Variants in CCDC73 observed in about 807,000 individuals in gnomAD.
The protein encoded by CCDC73 is coiled-coil domain containing 73, also known as coiled-coil domain-containing protein 73.
In CCDC73, 95 loss-of-function variants were observed where a neutral mutation model predicts 116.5. The observed-to-expected ratio is 0.82, with a 90% CI of 0.69 to 0.97. The LOEUF (loss-of-function observed/expected upper bound fraction) is 0.97, where lower values mean the gene tolerates loss of function less well. Ranked by LOEUF, CCDC73 falls within the 50% of genes least tolerant of loss-of-function variation. CCDC73 has a pLI of 0.00. For synonymous variants in CCDC73, 398 were observed against 401.3 expected (o/e 0.99, Z 0.10); for missense variants, 1,066 against 1,206.8 (o/e 0.88, Z 1.73).
chr11:32,818,742 C>T, the CCDC73 span, among the ~76,000 whole-genome samples: 1 of 152,184 alleles, frequency 6.6e-6, no homozygotes, highest in Admixed American at 6.5e-5. Context: ...GGAGGGAGTA[C>T]TGATACATGC....
At chr11:32,818,244 T>G in the CCDC73 span, among the ~76,000 whole-genome samples, 3 of 152,240 alleles carry the variant, frequency 2.0e-5, no homozygotes, top group Non-Finnish European at 4.4e-5. Context: ...GGGCCGTAAG[T>G]GTATTAAGGC....
At chr11:32,780,770 T>C (rs1280381787) in intron 1 of CCDC73, among the ~76,000 whole-genome samples, 2 of 152,226 alleles carry the variant, frequency 1.3e-5, no homozygotes, top group Admixed American at 6.5e-5. Flanking sequence ...TATGAGATGT[T>C]TACTGTTACC....
upstream of CCDC73, among the ~76,000 whole-genome samples, chr11:32,798,848 CTT>C (rs910030540): frequency 6.7e-6 from 1 of 150,298 alleles, no homozygotes; most frequent in Admixed American, 6.7e-5. Flanking sequence ...AAATTAAACA[CTT>C]TTTTTTCACT....
intron 14 of CCDC73, among the ~76,000 whole-genome samples, chr11:32,623,191 G>A (rs1325206062): frequency 1.3e-5 from 2 of 151,552 alleles, no homozygotes; most frequent in Admixed American, 1.3e-4. Context: ...ATTTTTAGTA[G>A]AGACAGGGTT....
At chr11:32,743,836 A>C (rs1485825940) in intron 2 of CCDC73, among the ~76,000 whole-genome samples, 1 of 152,194 alleles carries the variant, frequency 6.6e-6, no homozygotes, top group Admixed American at 6.5e-5. Flanking sequence ...CTAAATATAC[A>C]ATCATGTCAT....
chr11:32,671,730 T>A (rs1856041017), intron 9 of CCDC73, among the ~76,000 whole-genome samples: 1 of 152,214 alleles, frequency 6.6e-6, no homozygotes, highest in African/African-American at 2.4e-5. Flanking sequence ...AACTTTGAAG[T>A]CGCAAAGGTA....
chr11:32,774,180 G>T (rs897324033), intron 1 of CCDC73, among the ~76,000 whole-genome samples: 1 of 152,128 alleles, frequency 6.6e-6, no homozygotes, highest in Non-Finnish European at 1.5e-5. Flanking sequence ...CTCATCTTCT[G>T]CAGGGAAGGA....
At chr11:32,642,299 T>C (rs1217891274) in intron 12 of CCDC73, among the ~76,000 whole-genome samples, 1 of 151,958 alleles carries the variant, frequency 6.6e-6, no homozygotes, top group South Asian at 2.1e-4. Flanking sequence ...GAAATGGCTA[T>C]AAAAGAGTAT....
At chr11:32,634,390 TA>T (rs550800016) in intron 14 of CCDC73, among the ~76,000 whole-genome samples, 1 of 151,690 alleles carries the variant, frequency 6.6e-6, no homozygotes, top group Admixed American at 6.6e-5. Context: ...ATGAAAAGAA[TA>T]AAAAAAACCC....
At chr11:32,617,614 G>A (rs1415628010) in intron 14 of CCDC73, among the ~76,000 whole-genome samples, 3 of 152,142 alleles carry the variant, frequency 2.0e-5, no homozygotes, top group Non-Finnish European at 4.4e-5. Flanking sequence ...CATTGGTGAT[G>A]TATGGAACTA....
At chr11:32,631,677 G>T (rs990932531) in intron 14 of CCDC73, among the ~76,000 whole-genome samples, 2 of 151,896 alleles carry the variant, frequency 1.3e-5, no homozygotes, top group South Asian at 2.1e-4. Flanking sequence ...AGGAAAGGAA[G>T]AAAAGGAAGA....
chr11:32,663,692 C>T (rs1855952225), intron 9 of CCDC73, among the ~76,000 whole-genome samples: 1 of 152,084 alleles, frequency 6.6e-6, no homozygotes. Context: ...GCCTGATTGC[C>T]CTGGTCAGAA....
chr11:32,644,198 G>A (rs1211853103), intron 12 of CCDC73, among the ~76,000 whole-genome samples: 1 of 152,128 alleles, frequency 6.6e-6, no homozygotes, highest in Non-Finnish European at 1.5e-5. Context: ...CATGGATGGA[G>A]CTGGAGGCCA....
In CCDC73 at chr11:32,654,895, A is replaced by G. The variant is rs1380551019; in HGVS notation, c.723T>C (p.Asn241=). 1 of 1,602,378 alleles carries G rather than the reference A, an allele frequency of 6.2e-7. No homozygotes were observed. Among genetic ancestry groups the G allele is most frequent in the Admixed American group, 1.7e-5 (1 of 57,602 alleles). The part of the protein sequence containing the change: ...CQYKMGEENI[N]LTIKEQKFQE... ...GAAATTTTTGTTCTTTAATTGTTAG[A>G]TTGATGTTTTCTTCTCCCATCTTAT... The change falls in exon 10 of 18, where the codon AAT becomes AAC. Residue 241 remains asparagine, a synonymous_variant. Coordinates refer to ENST00000335185, the MANE Select transcript of CCDC73 (RefSeq NM_001008391.4).
rs186341074 is a variant in CCDC73 at position 32,687,555 on chromosome 11, C to T, written c.391-3981G>A. Among the ~76,000 whole-genome samples the T allele has an allele frequency of 5.9e-4, 90 of 151,906 alleles. 1 individual carries two copies. The East Asian group carries it at 0.014, about 23-fold the overall frequency. ...ATAAAGGAAATAAACTAAAATAATCCTTGTAGTTTGGGATTGTAATTTGCA... is the reference window on the plus strand; with the variant it reads ...ATAAAGGAAATAAACTAAAATAATCTTTGTAGTTTGGGATTGTAATTTGCA... On this transcript the variant is annotated intron_variant, in intron 6 of 17. Transcript: ENST00000335185.
chr11:32,806,980 G>GGAA, the CCDC73 span, among the ~76,000 whole-genome samples: 20 of 152,154 alleles, frequency 1.3e-4, no homozygotes, highest in African/African-American at 4.6e-4. Flanking sequence ...AGGGGTCCAG[G>GGAA]GAAGAAGAAG....
intron 9 of CCDC73, among the ~76,000 whole-genome samples, chr11:32,671,398 CAAAAAAA>C (rs58075036): frequency 0.19 from 23,194 of 122,552 alleles, 1,892 homozygotes; most frequent in South Asian, 0.31. Context: ...AACTTTGCTC[CAAAAAAA>C]AAAAAAAAAA....
At chr11:32,793,273 G>A (rs540240542) in intron 1 of CCDC73, among the ~76,000 whole-genome samples, 13 of 152,296 alleles carry the variant, frequency 8.5e-5, no homozygotes, top group Admixed American at 5.9e-4. Flanking sequence ...ATTGGCCGAA[G>A]AAATGGCTGA....
At chr11:32,703,054 T>G in intron 3 of CCDC73, 110 bp from the exon 4 acceptor site, 1 of 768,982 alleles carries the variant, frequency 1.3e-6, no homozygotes, top group Non-Finnish European at 2.3e-6. Flanking sequence ...CTACATATAT[T>G]ATTTTGTGTT....
Sources: allele counts gnomAD v4.1 joint callset (sites outside exome capture counted in the v4.1 genomes callset), GRCh38; gene constraint gnomAD v4.1.1; transcripts MANE v1.5; gene names NCBI Gene and HGNC (gene_info 2026-07-23, HGNC 2026-07-21).